Variants in KSR2 observed in about 807,000 individuals in gnomAD.
KSR2 encodes kinase suppressor of ras 2.
In KSR2, 25 loss-of-function variants were observed where a neutral mutation model predicts 107.8. The observed-to-expected ratio is 0.23, with a 90% CI of 0.17 to 0.32. KSR2 has a LOEUF of 0.32. KSR2 is among the 10% of genes least tolerant of loss of function. The pLI, the probability that KSR2 is intolerant of heterozygous loss-of-function variation, is 1.00. For synonymous variants in KSR2, 480 were observed against 507.0 expected (o/e 0.95, Z 0.71); for missense variants, 887 against 1,268.9 (o/e 0.70, Z 4.57).
At chr12:117,559,890 C>A (rs1013209103) in intron 7 of KSR2, among the ~76,000 whole-genome samples, 1 of 152,200 alleles carries the variant, frequency 6.6e-6, no homozygotes, top group Admixed American at 6.5e-5. Context: ...CCATTTTGCA[C>A]ATACCAGTCT....
rs918083124 is a variant in KSR2 at position 117,889,909 on chromosome 12, C to T, written c.181-29478G>A. Among the ~76,000 whole-genome samples, 11 of 152,150 alleles carry T rather than the reference C, an allele frequency of 7.2e-5. No individual in the cohort carries two copies. In the East Asian group the frequency reaches 1.9e-3, roughly 27 times the overall value. On this transcript the variant is annotated intron_variant, in intron 1 of 19. Transcript: ENST00000339824. ...CCCACAACAGGGAGGTATTCACCCC[C>T]GAATATCAGTAGTGCCAAGGTTGAA...
At chr12:117,673,566 T>C (rs1258297235) in intron 4 of KSR2, among the ~76,000 whole-genome samples, 2 of 152,066 alleles carry the variant, frequency 1.3e-5, no homozygotes, top group Admixed American at 1.3e-4. Flanking sequence ...TACATGGCTA[T>C]TTGATTAGAG....
intron 5 of KSR2, among the ~76,000 whole-genome samples, chr12:117,643,489 T>A (rs1227448243): frequency 1.3e-5 from 2 of 152,182 alleles, no homozygotes; most frequent in African/African-American, 2.4e-5. Flanking sequence ...TAGCCATTTA[T>A]CATTATCATC....
intron 3 of KSR2, among the ~76,000 whole-genome samples, chr12:117,770,638 T>A (rs974231140): frequency 6.6e-6 from 1 of 151,910 alleles, no homozygotes; most frequent in African/African-American, 2.4e-5. Context: ...GTTAGGAAAC[T>A]GGTGCTGATC....
chr12:117,942,053 A>G (rs529874306), intron 1 of KSR2, among the ~76,000 whole-genome samples: 1 of 152,186 alleles, frequency 6.6e-6, no homozygotes, highest in African/African-American at 2.4e-5. Flanking sequence ...ACTTCTAGGT[A>G]TATTTCTTTC....
chr12:117,769,875 G>A (rs536388346), intron 3 of KSR2, among the ~76,000 whole-genome samples: 3 of 152,166 alleles, frequency 2.0e-5, no homozygotes. Context: ...CCAACATGGT[G>A]AAACTCCATC....
chr12:117,925,121 TTC>T (rs893288656), intron 1 of KSR2, among the ~76,000 whole-genome samples: 1 of 151,818 alleles, frequency 6.6e-6, no homozygotes, highest in Non-Finnish European at 1.5e-5. Context: ...ATACTATATT[TTC>T]TTTCTTTTTT....
chr12:117,744,014 G>C (rs1052761546), intron 4 of KSR2, among the ~76,000 whole-genome samples: 1 of 152,092 alleles, frequency 6.6e-6, no homozygotes, highest in Non-Finnish European at 1.5e-5. Context: ...TCTGTCACTG[G>C]TCCCAAGCCA....
chr12:117,826,528 A>C (rs75820914), intron 3 of KSR2, among the ~76,000 whole-genome samples: 3 of 152,056 alleles, frequency 2.0e-5, no homozygotes, highest in Non-Finnish European at 4.4e-5. Flanking sequence ...ACAAAAAAAA[A>C]CCATTTAAAA....
Position 117,968,115 on chromosome 12 carries a change from G to A in KSR2, c.141C>T (p.Thr47=). 1.2e-6 allele frequency: 2 copies of A among 1,606,124 alleles called. No individual in the cohort carries two copies. The highest frequency in any genetic ancestry group is 1.7e-6 in the Non-Finnish European group (2 of 1,177,700). ...NLEGLRTKCA[T]SNDLTQKEIR... Reference sequence around the variant, plus strand: ...TTTCTTTTTGTGTGAGGTCGTTGGAGGTAGCACATTTGGTCCTAAGCCCTT... The same window carrying A: ...TTTCTTTTTGTGTGAGGTCGTTGGAAGTAGCACATTTGGTCCTAAGCCCTT... The change falls in exon 1 of 20, where the codon ACC becomes ACT. Residue 47 remains threonine (T), a synonymous_variant. Transcript: ENST00000339824.
intron 5 of KSR2, among the ~76,000 whole-genome samples, chr12:117,592,165 G>A (rs1449801156): frequency 6.6e-6 from 1 of 150,392 alleles, no homozygotes; most frequent in Non-Finnish European, 1.5e-5. Flanking sequence ...CCAGGCTGGA[G>A]CGCAATGGAG....
At chr12:117,603,334 A>C (rs527874538) in intron 5 of KSR2, among the ~76,000 whole-genome samples, 8 of 152,346 alleles carry the variant, frequency 5.3e-5, no homozygotes, top group Admixed American at 5.2e-4. Flanking sequence ...TATATAGCTA[A>C]TTGCTACAAG....
chr12:117,471,297 G>A lies in KSR2; in HGVS notation c.2606C>T (p.Ala869Val), dbSNP rs1167193243. Residue 869 changes from alanine (A) to valine (V), a missense_variant, in exon 18 of 20, where the codon GCC (alanine) becomes GTC (valine). Transcript: ENST00000339824. The part of the protein sequence containing the change: ...ALGTIWYELH[A>V]REWPFKTQPA... ...TTGGGTCTTGAAAGGCCATTCCCTG[G>A]CGTGGAGTTCATACCAGATTGTGCT... The A allele has an allele frequency of 6.2e-7, 1 of 1,613,748 alleles. No homozygotes were observed. The highest frequency in any genetic ancestry group is 1.1e-5 in the South Asian group (1 of 91,046).
chr12:117,561,277 A>G (rs1260908986), intron 7 of KSR2, among the ~76,000 whole-genome samples: 3 of 152,204 alleles, frequency 2.0e-5, no homozygotes, highest in Non-Finnish European at 4.4e-5. Flanking sequence ...GGCACCAGAA[A>G]GTCTAAGATG....
At position 117,453,492 on chromosome 12, in the gene KSR2, G is replaced by A. The variant is rs563135006; in HGVS notation, c.*13707C>T. The stretch of plus-strand genomic sequence containing the variant: ...AAAAGAATATGGACCATCGGTCCGC[G>A]TTGGTCTGTACAAGAATTAGTCTTT... On this transcript the variant is annotated 3_prime_UTR_variant, in exon 20 of 20. Transcript: ENST00000339824. The A allele has an allele frequency of 1.9e-4, 29 of 152,518 alleles. No homozygotes were observed. The highest frequency in any genetic ancestry group is 4.3e-4 in the African/African-American group (18 of 41,518). The allele number at this position is 152,518 out of a possible 1,614,324, so 9.4% of individuals were successfully genotyped here.
At chr12:117,776,861 G>T (rs1314721767) in intron 3 of KSR2, among the ~76,000 whole-genome samples, 1 of 151,796 alleles carries the variant, frequency 6.6e-6, no homozygotes, top group South Asian at 2.1e-4. Context: ...TTACCACTCA[G>T]TGGAACTGTT....
At chr12:117,719,189 C>G (rs1465898665) in intron 4 of KSR2, among the ~76,000 whole-genome samples, 3 of 152,094 alleles carry the variant, frequency 2.0e-5, no homozygotes, top group African/African-American at 7.2e-5. Context: ...TCCACTTTTT[C>G]TTGATAAATT....
chr12:117,561,408 C>T (rs983855484), intron 7 of KSR2, among the ~76,000 whole-genome samples: 3 of 152,324 alleles, frequency 2.0e-5, no homozygotes, highest in Admixed American at 2.0e-4. Flanking sequence ...TTACATCATT[C>T]ATTTAATCCT....
At chr12:117,641,584 G>C (rs1016579784) in intron 5 of KSR2, among the ~76,000 whole-genome samples, 1 of 152,036 alleles carries the variant, frequency 6.6e-6, no homozygotes, top group African/African-American at 2.4e-5. Context: ...CAGTCACATT[G>C]AATTAAAGGC....
Sources: gnomAD v4.1 joint callset for allele counts (sites outside exome capture counted in the v4.1 genomes callset) on GRCh38, gnomAD v4.1.1 for gene constraint, MANE v1.5 for transcripts, NCBI Gene and HGNC (gene_info 2026-07-23, HGNC 2026-07-21) for gene names.